The following GPATCH2L variants were observed in gnomAD, a reference collection of about 807,000 sequenced individuals.
GPATCH2L encodes the protein G patch domain-containing protein 2-like.
A neutral mutation model predicts 57.4 loss-of-function variants in GPATCH2L; 31 were observed. The observed-to-expected ratio is 0.54, with a 90% confidence interval of 0.41 to 0.73. The LOEUF is 0.73. GPATCH2L is among the 30% of genes least tolerant of loss of function. The pLI is 0.00. For missense variants in GPATCH2L, 481 were observed against 599.9 expected (o/e 0.80, Z 2.07); for synonymous variants, 199 against 210.7 (o/e 0.94, Z 0.48).
chr14:76,233,850 T>A (rs1460811180), intron 2 of GPATCH2L, among the ~76,000 whole-genome samples: 1 of 152,144 alleles, frequency 6.6e-6, no homozygotes, highest in East Asian at 1.9e-4. Context: ...ATCCCTGTAA[T>A]CCCACCACTT....
chr14:76,172,644 T>C (rs1243958664), intron 4 of GPATCH2L, among the ~76,000 whole-genome samples: 1 of 152,222 alleles, frequency 6.6e-6, no homozygotes, highest in African/African-American at 2.4e-5. Flanking sequence ...GATGACAGGG[T>C]CATCACTTAC....
At chr14:76,173,853 T>C in intron 5 of GPATCH2L, 1 of 530,958 alleles carries the variant, frequency 1.9e-6, no homozygotes, top group Non-Finnish European at 3.4e-6. Flanking sequence ...AAAAAAACAC[T>C]GTCATTACAG....
At chr14:76,192,023 G>C (rs1241742272) in intron 8 of GPATCH2L, among the ~76,000 whole-genome samples, 1 of 151,756 alleles carries the variant, frequency 6.6e-6, no homozygotes, top group African/African-American at 2.4e-5. Context: ...TTATGAGTGA[G>C]AACTCAATGT....
In GPATCH2L at chr14:76,202,346, T is replaced by C. The variant is rs1353887058; in HGVS notation, c.*495T>C. On this transcript the variant is annotated 3_prime_UTR_variant, in exon 10 of 10. Transcript: ENST00000261530. ...TGCCTTTGAGCCTACTCTTGATTCATGCAGAGTGCCAATAAGATAAATCAA... is the reference window on the plus strand; with the variant it reads ...TGCCTTTGAGCCTACTCTTGATTCACGCAGAGTGCCAATAAGATAAATCAA... 2 of 152,762 alleles carry C rather than the reference T, an allele frequency of 1.3e-5. No homozygotes were observed. The highest frequency in any genetic ancestry group is 2.9e-5 in the Non-Finnish European group (2 of 68,112). 9.5% of individuals were successfully genotyped at this position (152,762 alleles called of 1,614,324 possible).
chr14:76,166,099 T>C (rs1339237960), intron 2 of GPATCH2L, among the ~76,000 whole-genome samples: 1 of 152,212 alleles, frequency 6.6e-6, no homozygotes, highest in Non-Finnish European at 1.5e-5. Context: ...TTTGTTTTTA[T>C]ATTTTTGTTT....
In GPATCH2L at chr14:76,209,066, A is replaced by G. The variant is rs17104253; in HGVS notation, c.*7215A>G. The G allele has an allele frequency of 0.024, 3,619 of 152,336 alleles. 77 individuals carry two copies. The highest frequency in any genetic ancestry group is 0.077 in the South Asian group (372 of 4,828). 9.4% of individuals were successfully genotyped at this position (152,336 alleles called of 1,614,324 possible). On this transcript the variant is annotated 3_prime_UTR_variant, in exon 10 of 10. Transcript: ENST00000261530. ...GATTCACCCACCAGTGACTTCTACT[A>G]TTAAAATTTAGCCCATAGGTTGATT...
intron 2 of GPATCH2L, among the ~76,000 whole-genome samples, chr14:76,162,580 C>T (rs544181152): frequency 7.9e-5 from 12 of 152,296 alleles, no homozygotes; most frequent in African/African-American, 2.4e-4. Flanking sequence ...CAGATGACTA[C>T]TGGCTTTCTG....
rs2040318063 is a variant in GPATCH2L, at chr14:76,201,899, A to G, written c.*48A>G. The stretch of plus-strand genomic sequence containing the variant: ...GAGCTGACTGGGTGTTGCTGAAGCA[A>G]ATGTTGGACTTTGTGTTAGATAGTC... On this transcript the variant is annotated 3_prime_UTR_variant, in exon 10 of 10. Transcript: ENST00000261530. 6.5e-7 allele frequency: 1 copy of G among 1,542,224 alleles called. No individual in the cohort carries two copies. The highest frequency in any genetic ancestry group is 8.9e-7 in the Non-Finnish European group (1 of 1,126,480).
intron 3 of GPATCH2L, among the ~76,000 whole-genome samples, chr14:76,169,444 T>C (rs1319998644): frequency 6.6e-6 from 1 of 152,232 alleles, no homozygotes; most frequent in East Asian, 1.9e-4. Flanking sequence ...TCTCAGATTG[T>C]AAAACAACTA....
intron 1 of GPATCH2L, among the ~76,000 whole-genome samples, chr14:76,221,065 A>G (rs1247504060): frequency 6.6e-6 from 1 of 152,002 alleles, no homozygotes; most frequent in Non-Finnish European, 1.5e-5. Flanking sequence ...AGTCAAAAAA[A>G]TGAGAACATA....
In GPATCH2L at chr14:76,154,287, C is replaced by CT. The variant is rs1161701517; in HGVS notation, c.-10-62dup. 2 of 1,329,734 alleles carry CT rather than the reference C, an allele frequency of 1.5e-6. No homozygotes were observed. Among genetic ancestry groups the CT allele is most frequent in the Non-Finnish European group, 1.0e-6 (1 of 967,690 alleles). The allele number at this position is 1,329,734 out of a possible 1,614,324, so 82.4% of individuals were successfully genotyped here. ...TCAAATTATTCCAAAACAACAGATC[C>CT]TTTTTCAGGCTTTCTTTTTCTTTTT... On this transcript the variant is annotated intron_variant, in intron 1 of 9. Transcript: ENST00000261530. This position sits in a 1 kb window ranked among gnomAD's most constrained non-coding sequence, Gnocchi z 4.4.
intron 8 of GPATCH2L, among the ~76,000 whole-genome samples, chr14:76,191,898 A>G (rs2039979738): frequency 6.6e-6 from 1 of 152,072 alleles, no homozygotes. Flanking sequence ...CTATCTAGCT[A>G]TAAGTTTATA....
chr14:76,200,071 A>G (rs1374140790), intron 9 of GPATCH2L, among the ~76,000 whole-genome samples: 1 of 152,234 alleles, frequency 6.6e-6, no homozygotes, highest in Non-Finnish European at 1.5e-5. Flanking sequence ...GTTAGACACA[A>G]AAGGAGAAAT....
intron 1 of GPATCH2L, among the ~76,000 whole-genome samples, chr14:76,226,120 A>T (rs116566020): frequency 6.6e-6 from 1 of 152,244 alleles, no homozygotes; most frequent in African/African-American, 2.4e-5. Context: ...CAAACCCCAT[A>T]GAAACATACA....
chr14:76,205,423 G>A lies in GPATCH2L; in HGVS notation c.*3572G>A, dbSNP rs951146262. The stretch of plus-strand genomic sequence containing the variant: ...CTTGAATTGTTTAGAAATCAAATGC[G>A]ATTCAGAATTGAAGAGGACATTGCT... On this transcript the variant is annotated 3_prime_UTR_variant, in exon 10 of 10. Transcript: ENST00000261530. 2 of 152,204 alleles carry A rather than the reference G, an allele frequency of 1.3e-5. No individual in the cohort carries two copies. The highest frequency in any genetic ancestry group is 6.5e-5 in the Admixed American group (1 of 15,282). 9.4% of individuals were successfully genotyped at this position (152,204 alleles called of 1,614,324 possible). A position where few individuals can be genotyped will look rare whatever the true frequency, so the allele number is the denominator to read the frequency against.
chr14:76,222,827 GCTCCTGTAATCCTAGCTA>G (rs1857922159), intron 1 of GPATCH2L, among the ~76,000 whole-genome samples: 1 of 151,846 alleles, frequency 6.6e-6, no homozygotes, highest in Non-Finnish European at 1.5e-5. Context: ...GTGGTGGCAT[GCTCCTGTAATCCTAGCTA>G]CTCAGGAGGC....
chr14:76,179,060 T>G (rs1231861493), intron 7 of GPATCH2L: 1 of 65,112 alleles, frequency 1.5e-5, no homozygotes, highest in Non-Finnish European at 4.2e-5. Flanking sequence ...TGTGGGTTTT[T>G]TTGTTTTTTT....
chr14:76,201,689 A>G lies in GPATCH2L; in HGVS notation c.1289-2A>G. On this transcript the variant is annotated splice_acceptor_variant, in intron 9 of 9. Transcript: ENST00000261530. LOFTEE classifies it high-confidence loss of function. ...TGCTCCTCTCTGTTGTAACCTTACTAGTTCACATGGATGCAGTGGAGCCAA... is the reference window on the plus strand; with the variant it reads ...TGCTCCTCTCTGTTGTAACCTTACTGGTTCACATGGATGCAGTGGAGCCAA... 6.2e-7 allele frequency: 1 copy of G among 1,604,938 alleles called. No individual in the cohort carries two copies. Among genetic ancestry groups the G allele is most frequent in the Non-Finnish European group, 8.5e-7 (1 of 1,175,916 alleles).
chr14:76,161,432 CT>C (rs1287170836), intron 2 of GPATCH2L, among the ~76,000 whole-genome samples: 1 of 152,092 alleles, frequency 6.6e-6, no homozygotes, highest in East Asian at 1.9e-4. Context: ...TTAATACCAA[CT>C]TTTGATTGTA....
Sources: gnomAD v4.1 joint callset for allele counts (sites outside exome capture counted in the v4.1 genomes callset) on GRCh38, gnomAD v4.1.1 for gene constraint, Gnocchi (gnomAD v3.1) non-coding constraint, MANE v1.5 for transcripts, NCBI Gene and HGNC (gene_info 2026-07-23, HGNC 2026-07-21) for gene names.